CLEC16A: variants seen among roughly 807,000 people sequenced by gnomAD.
CLEC16A encodes the protein C-type lectin domain containing 16A.
In CLEC16A, 51 loss-of-function variants were observed where a neutral mutation model predicts 109.5. The ratio of observed to expected loss-of-function variants is 0.47; its 90% CI spans 0.37 to 0.59. The LOEUF is 0.59. Ranked by LOEUF, CLEC16A falls within the 20% of genes least tolerant of loss-of-function variation. The pLI is 0.00. For missense variants in CLEC16A, 1,339 were observed against 1,394.0 expected, an observed-to-expected ratio of 0.96 and a Z score of 0.63; for synonymous variants, 673 against 564.2, an observed-to-expected ratio of 1.19 and a Z score of -2.73.
At chr16:11,067,254 ACT>A (rs1464585739) in intron 19 of CLEC16A, among the ~76,000 whole-genome samples, 4 of 138,832 alleles carry the variant, frequency 2.9e-5, no homozygotes, top group East Asian at 2.1e-4. Context: ...AAAGCCAGTG[ACT>A]CTGTCTTTCC....
chr16:10,946,939 C>T (rs867926559), intron 1 of CLEC16A, among the ~76,000 whole-genome samples: 9 of 152,342 alleles, frequency 5.9e-5, no homozygotes, highest in South Asian at 2.1e-4. Context: ...TACTGTCTTT[C>T]TGAATAAAAC....
intron 22 of CLEC16A, among the ~76,000 whole-genome samples, chr16:11,158,509 T>C (rs1248886074): frequency 6.6e-6 from 1 of 152,212 alleles, no homozygotes; most frequent in Non-Finnish European, 1.5e-5. Flanking sequence ...CTGGACTTCT[T>C]TGACACACCT....
chr16:11,107,246 ATT>A (rs34729335), intron 19 of CLEC16A, among the ~76,000 whole-genome samples: 10 of 149,428 alleles, frequency 6.7e-5, no homozygotes, highest in East Asian at 5.9e-4. Flanking sequence ...CCACCAGTAC[ATT>A]TTTTTTTTTC....
intron 1 of CLEC16A, among the ~76,000 whole-genome samples, chr16:10,946,051 G>A (rs2041348600): frequency 6.6e-6 from 1 of 152,166 alleles, no homozygotes; most frequent in South Asian, 2.1e-4. Flanking sequence ...GGCAGGTGTG[G>A]AGGATGATGA....
chr16:11,069,876 T>A (rs562456519), intron 19 of CLEC16A, among the ~76,000 whole-genome samples: 1 of 152,310 alleles, frequency 6.6e-6, no homozygotes, highest in East Asian at 1.9e-4. Context: ...CTAGAGATGG[T>A]TTAAAGTGTG....
chr16:10,950,972 C>T (rs1193197581), intron 1 of CLEC16A, among the ~76,000 whole-genome samples: 4 of 152,194 alleles, frequency 2.6e-5, no homozygotes, highest in Admixed American at 2.6e-4. Context: ...AAAATGCTGT[C>T]ACTGAAATGA....
intron 14 of CLEC16A, chr16:11,041,941 A>C (rs1284680010): frequency 3.6e-6 from 1 of 278,296 alleles, no homozygotes; most frequent in Non-Finnish European, 6.9e-6. Flanking sequence ...CGGCTCTCTA[A>C]AGGAAGTGGG....
rs1280303759 is a variant in CLEC16A, at chr16:10,968,449, C to G, written c.344-712C>G. ...GGGAATGGGGTTGCTCTTCAGTTGACCCCAGTGCCCTTGGGCCCTCATCAC... is the reference window on the plus strand; with the variant it reads ...GGGAATGGGGTTGCTCTTCAGTTGAGCCCAGTGCCCTTGGGCCCTCATCAC... On this transcript the variant is annotated intron_variant, in intron 3 of 23. Coordinates refer to ENST00000409790, the MANE Select transcript of CLEC16A (RefSeq NM_015226.3). Among the ~76,000 whole-genome samples, 3 of 152,186 alleles carry G rather than the reference C, an allele frequency of 2.0e-5. No individual in the cohort carries two copies. The South Asian group carries it at 6.2e-4, about 32-fold the overall frequency.
At chr16:10,967,930 T>A (rs923934153) in intron 3 of CLEC16A, among the ~76,000 whole-genome samples, 2 of 146,148 alleles carry the variant, frequency 1.4e-5, no homozygotes, top group African/African-American at 5.2e-5. Flanking sequence ...CCCTGGAGAT[T>A]CTGACTCCGT....
At position 10,982,285 on chromosome 16, in the gene CLEC16A, G is replaced by A. The variant is rs147143180; in HGVS notation, c.958-593G>A. Among the ~76,000 whole-genome samples the A allele has an allele frequency of 3.2e-3, 493 of 152,210 alleles. 3 individuals are homozygous for A. The highest frequency in any genetic ancestry group is 5.7e-3 in the Non-Finnish European group (391 of 68,008). On this transcript the variant is annotated intron_variant, in intron 9 of 23. Coordinates refer to ENST00000409790, the MANE Select transcript of CLEC16A (RefSeq NM_015226.3). ...TCTGATTTTGCATCCTGGCCCACCT[G>A]GGTTTGCCTCTGTCTCGTGTGATTT...
chr16:11,163,619 A>G (rs982978236), intron 22 of CLEC16A, among the ~76,000 whole-genome samples: 3 of 152,184 alleles, frequency 2.0e-5, no homozygotes, highest in Admixed American at 2.0e-4. Flanking sequence ...CTGCTACCCT[A>G]CATGTCCCAC....
At chr16:11,056,634 C>G (rs903326496) in intron 18 of CLEC16A, 23 of 152,146 alleles carry the variant, frequency 1.5e-4, no homozygotes, top group African/African-American at 5.6e-4. Flanking sequence ...AAACCACAAG[C>G]AGTTTTTGTG....
chr16:11,053,342 C>T (rs2048046466), intron 18 of CLEC16A, among the ~76,000 whole-genome samples: 1 of 151,988 alleles, frequency 6.6e-6, no homozygotes, highest in Non-Finnish European at 1.5e-5. Context: ...GAGATTGGCA[C>T]TATTATTATC....
chr16:11,051,565 C>A lies in CLEC16A; in HGVS notation c.1919C>A (p.Pro640His), dbSNP rs773563811. The change falls in exon 18 of 24, where the codon CCC becomes CAC. Residue 640 changes from proline to histidine, a missense_variant. Physicochemically the swap from Pro to His is moderately conservative, Grantham distance 77. Around this residue, in one of 3 missense-constraint regions of CLEC16A, gnomAD observed 1,061 missense variants for 1,006.8 expected, o/e 1.05. Transcript: ENST00000409790. ...ATGATGGACGCCTCCATCCTGCTGCCCCCAACAGGCACGCCACTGACGGGC... is the reference window on the plus strand; with the variant it reads ...ATGATGGACGCCTCCATCCTGCTGCACCCAACAGGCACGCCACTGACGGGC... ...YLMMDASILLPPTGTPLTGID... is the reference protein window; with the variant it reads ...YLMMDASILLHPTGTPLTGID... 2.7e-5 allele frequency: 44 copies of A among 1,613,918 alleles called. No homozygotes were observed. Among genetic ancestry groups the A allele is most frequent in the Non-Finnish European group, 3.6e-5 (43 of 1,179,900 alleles).
At position 11,178,659 on chromosome 16, in the gene CLEC16A, G is replaced by T. The variant is rs1243798036; in HGVS notation, c.3131G>T (p.Cys1044Phe). Residue 1044 changes from cysteine to phenylalanine, a missense_variant, in exon 24 of 24, where the codon TGT becomes TTT. By Grantham distance (205) the Cys-to-Phe change is radical. Transcript: ENST00000409790. The surrounding 1 kb of genome is among the most constrained non-coding windows in gnomAD (Gnocchi z 6.5). ...CTEPVGEEAA[C>F]AEPVGTAED ...GAGCCCGTGGGCGAAGAGGCTGCAT[G>T]TGCTGAGCCTGTGGGCACCGCTGAG... 1 of 1,550,084 alleles carries T rather than the reference G, an allele frequency of 6.5e-7. No individual in the cohort carries two copies. Among genetic ancestry groups the T allele is most frequent in the Non-Finnish European group, 8.7e-7 (1 of 1,153,114 alleles).
Position 11,044,650 on chromosome 16 carries a change from G to T in CLEC16A, c.1815+578G>T, listed in dbSNP as rs146901729. Among the ~76,000 whole-genome samples the T allele has an allele frequency of 9.7e-3, 1,470 of 152,218 alleles. 17 individuals carry two copies. The Middle Eastern group carries it at 0.13, about 14-fold the overall frequency. The stretch of plus-strand genomic sequence containing the variant: ...ATGGTTTTATAAATATCTAATTGCC[G>T]CCAGGCATGGTGGCTCATGCCTGTA... On this transcript the variant is annotated intron_variant, in intron 16 of 23. Coordinates refer to ENST00000409790, the MANE Select transcript of CLEC16A (RefSeq NM_015226.3).
At chr16:11,001,924 C>T (rs901012613) in intron 10 of CLEC16A, among the ~76,000 whole-genome samples, 10 of 152,238 alleles carry the variant, frequency 6.6e-5, no homozygotes, top group African/African-American at 2.4e-4. Flanking sequence ...ACACCCACTA[C>T]ACCTGGCTTT....
chr16:11,177,867 T>TA (rs1445401491), intron 23 of CLEC16A, among the ~76,000 whole-genome samples: 2 of 151,654 alleles, frequency 1.3e-5, no homozygotes, highest in African/African-American at 4.8e-5. Flanking sequence ...TTTTTTTTTT[T>TA]AATATTGCAG....
chr16:11,157,908 G>A (rs2054592636), intron 22 of CLEC16A, among the ~76,000 whole-genome samples: 1 of 152,186 alleles, frequency 6.6e-6, no homozygotes. Context: ...TTGCCAGGGT[G>A]TAGGATCCAG....
Sources: gnomAD v4.1 joint callset for allele counts (sites outside exome capture counted in the v4.1 genomes callset) on GRCh38, gnomAD v4.1.1 for gene constraint, gnomAD v4.1.1 regional missense constraint, Gnocchi (gnomAD v3.1) non-coding constraint, MANE v1.5 for transcripts, NCBI Gene and HGNC (gene_info 2026-07-23, HGNC 2026-07-21) for gene names.